AXDND1: variants seen among roughly 807,000 people sequenced by gnomAD.
AXDND1 encodes the protein axonemal dynein light chain domain-containing protein 1.
AXDND1 carries 110 observed loss-of-function variants against 137.5 expected under a neutral mutation model. The observed-to-expected ratio is 0.80, with a 90% CI of 0.69 to 0.94. AXDND1 has a LOEUF of 0.94. AXDND1 is among the 40% of genes least tolerant of loss of function. The pLI, the probability that AXDND1 is intolerant of heterozygous loss-of-function variation, is 0.00. For missense variants in AXDND1, 1,191 were observed against 1,169.8 expected (o/e 1.02, Z -0.26); for synonymous variants, 414 against 399.7 (o/e 1.04, Z -0.43).
At chr1:179,554,255 T>C (rs928264675) in intron 25 of AXDND1, among the ~76,000 whole-genome samples, 2 of 152,142 alleles carry the variant, frequency 1.3e-5, no homozygotes, top group Non-Finnish European at 2.9e-5. Flanking sequence ...AAAACAATTT[T>C]TAGATTCATA....
chr1:179,528,934 TTAAC>T (rs1238472752), intron 23 of AXDND1, among the ~76,000 whole-genome samples: 9 of 152,170 alleles, frequency 5.9e-5, no homozygotes, highest in African/African-American at 2.2e-4. Flanking sequence ...TTTCCTTAGT[TTAAC>T]TATCTCTTGG....
intron 25 of AXDND1, among the ~76,000 whole-genome samples, chr1:179,539,754 A>G (rs1174011411): frequency 6.6e-6 from 1 of 152,158 alleles, no homozygotes; most frequent in Non-Finnish European, 1.5e-5. Context: ...AGGATGGGGA[A>G]GTTCTCCTGG....
intron 4 of AXDND1, among the ~76,000 whole-genome samples, chr1:179,377,221 T>C (rs1214469550): frequency 6.6e-6 from 1 of 152,202 alleles, no homozygotes. Context: ...CATGAGCCAC[T>C]GCAACTGGCC....
At chr1:179,393,834 T>C (rs1650583727) in intron 9 of AXDND1, 69 bp from the exon 10 acceptor site, 1 of 1,432,940 alleles carries the variant, frequency 7.0e-7, no homozygotes, top group African/African-American at 1.5e-5. Context: ...TGTACATTGA[T>C]TTTGTAACCT....
intron 4 of AXDND1, among the ~76,000 whole-genome samples, chr1:179,373,468 A>C (rs1404806476): frequency 6.6e-6 from 1 of 152,206 alleles, no homozygotes; most frequent in Non-Finnish European, 1.5e-5. Context: ...CAGAATTGGA[A>C]AAATCTATTT....
At chr1:179,407,891 A>T (rs1653227883) in intron 11 of AXDND1, among the ~76,000 whole-genome samples, 1 of 152,170 alleles carries the variant, frequency 6.6e-6, no homozygotes, top group African/African-American at 2.4e-5. Flanking sequence ...AATAAAAAAA[A>T]TTTGGTCACT....
chr1:179,383,024 T>C (rs1441575876), intron 7 of AXDND1, among the ~76,000 whole-genome samples: 3 of 152,126 alleles, frequency 2.0e-5, no homozygotes, highest in Non-Finnish European at 4.4e-5. Flanking sequence ...TTTTATATTC[T>C]ATGTTTAACC....
chr1:179,542,575 A>G (rs1035110435), intron 25 of AXDND1, among the ~76,000 whole-genome samples: 1 of 152,234 alleles, frequency 6.6e-6, no homozygotes, highest in Non-Finnish European at 1.5e-5. Flanking sequence ...TTCTGAATGT[A>G]CTTTTATCCT....
At chr1:179,371,332 G>A (rs926295116) in intron 4 of AXDND1, among the ~76,000 whole-genome samples, 44 of 152,254 alleles carry the variant, frequency 2.9e-4, no homozygotes, top group East Asian at 1.2e-3. Context: ...GGAGGCTAAC[G>A]CAGGAGAATT....
chr1:179,432,253 T>C lies in AXDND1; in HGVS notation c.1488-14T>C, dbSNP rs1657480787. 6.5e-7 allele frequency: 1 copy of C among 1,527,236 alleles called. No individual in the cohort carries two copies. 94.6% of individuals were successfully genotyped at this position (1,527,236 alleles called of 1,614,324 possible). A position where few individuals can be genotyped will look rare whatever the true frequency, so the allele number is the denominator to read the frequency against. ...GTTCTGAGATGTTTCTCTTTTTTTT[T>C]TTCTTCTTTTCAGTGAAAAAGACAT... On this transcript the variant is annotated splice_polypyrimidine_tract_variant and intron_variant, in intron 14 of 25. Coordinates refer to ENST00000367618, the MANE Select transcript of AXDND1 (RefSeq NM_144696.6).
At chr1:179,447,878 C>T in intron 16 of AXDND1, 1 of 1,346,846 alleles carries the variant, frequency 7.4e-7, no homozygotes, top group South Asian at 1.2e-5. Flanking sequence ...CTCTGAGGAG[C>T]TCCAGGGGAC....
chr1:179,440,039 T>A (rs1658771829), intron 15 of AXDND1, among the ~76,000 whole-genome samples: 1 of 152,250 alleles, frequency 6.6e-6, no homozygotes, highest in South Asian at 2.1e-4. Context: ...TGCTGGAGTC[T>A]TATCATTTGT....
chr1:179,419,209 C>T (rs370104504), intron 12 of AXDND1, among the ~76,000 whole-genome samples: 24 of 151,724 alleles, frequency 1.6e-4, no homozygotes, highest in South Asian at 4.2e-4. Context: ...ACTTCCCAGA[C>T]GGGGTGGCAG....
At chr1:179,443,610 A>G (rs1344068169) in intron 15 of AXDND1, among the ~76,000 whole-genome samples, 1 of 152,130 alleles carries the variant, frequency 6.6e-6, no homozygotes, top group Non-Finnish European at 1.5e-5. Flanking sequence ...TCTGTTTATG[A>G]ATGTGACTAC....
intron 19 of AXDND1, among the ~76,000 whole-genome samples, 156 bp from the exon 20 acceptor site, chr1:179,492,699 C>G (rs1203997480): frequency 6.6e-6 from 1 of 152,166 alleles, no homozygotes; most frequent in Non-Finnish European, 1.5e-5. Flanking sequence ...ACAAATTATT[C>G]TCCTTGGTGA....
chr1:179,452,660 A>C (rs1271753468), intron 16 of AXDND1: 1 of 121,214 alleles, frequency 8.2e-6, no homozygotes, highest in Non-Finnish European at 1.6e-5. Context: ...TGCAGTCCGC[A>C]GTCCGGCCTG....
At position 179,534,828 on chromosome 1, in the gene AXDND1, T is replaced by C. The variant is rs750204100; in HGVS notation, c.2897T>C (p.Leu966Ser). The change falls in exon 25 of 26, where the codon TTA (leucine) becomes TCA (serine). Residue 966 changes from leucine to serine, a missense_variant. Transcript: ENST00000367618. ...ATAAAAAATAAAGATCTAGAGGAATTAGTCATGACATCAAGAAAGGAGTCT... is the reference window on the plus strand; with the variant it reads ...ATAAAAAATAAAGATCTAGAGGAATCAGTCATGACATCAAGAAAGGAGTCT... Reference protein sequence around the residue: ...TLIKNKDLEELVMTSRKESKE... With the variant: ...TLIKNKDLEESVMTSRKESKE... 1.4e-5 allele frequency: 23 copies of C among 1,609,514 alleles called. No individual in the cohort carries two copies. In the Admixed American group the frequency reaches 3.9e-4, roughly 27 times the overall value.
Position 179,448,675 on chromosome 1 carries a change from C to T in AXDND1, c.1798+3471C>T, listed in dbSNP as rs147624567. 879 of 187,220 alleles carry T rather than the reference C, an allele frequency of 4.7e-3. 9 individuals are homozygous for T. The highest frequency in any genetic ancestry group is 7.0e-3 in the Non-Finnish European group (628 of 89,902). The allele number at this position is 187,220 out of a possible 1,614,324, so 11.6% of individuals were successfully genotyped here. A position where few individuals can be genotyped will look rare whatever the true frequency, so the allele number is the denominator to read the frequency against. Reference sequence around the variant, plus strand: ...CCGCCTCCTTCAGCTTGGGACTCGCCAGGACATCCTGATAGTGTCCTTTTA... The same window carrying T: ...CCGCCTCCTTCAGCTTGGGACTCGCTAGGACATCCTGATAGTGTCCTTTTA... On this transcript the variant is annotated intron_variant, in intron 16 of 25. Transcript: ENST00000367618.
chr1:179,441,384 C>T (rs1369795127), intron 15 of AXDND1, among the ~76,000 whole-genome samples: 1 of 152,202 alleles, frequency 6.6e-6, no homozygotes, highest in Non-Finnish European at 1.5e-5. Flanking sequence ...GATTTGTCAA[C>T]TGCCAAATTA....
Sources: allele counts gnomAD v4.1 joint callset (sites outside exome capture counted in the v4.1 genomes callset), GRCh38; gene constraint gnomAD v4.1.1; transcripts MANE v1.5; gene names NCBI Gene and HGNC (gene_info 2026-07-23, HGNC 2026-07-21).